The following CTNNA2 variants were observed in gnomAD, a reference collection of about 807,000 sequenced individuals.
CTNNA2 encodes the protein catenin alpha-2.
In CTNNA2, 42 loss-of-function variants were observed where a neutral mutation model predicts 101.0. The ratio of observed to expected loss-of-function variants is 0.42; its 90% CI spans 0.32 to 0.54. The LOEUF is 0.54. CTNNA2 is among the 20% of genes least tolerant of loss of function. The pLI, the probability that CTNNA2 is intolerant of heterozygous loss-of-function variation, is 0.14. For missense variants in CTNNA2, 871 were observed against 1,223.1 expected (o/e 0.71, Z 4.29); for synonymous variants, 450 against 456.4 (o/e 0.99, Z 0.18).
At chr2:79,501,880 G>A (rs949631627) in intron 4 of CTNNA2, among the ~76,000 whole-genome samples, 1 of 152,102 alleles carries the variant, frequency 6.6e-6, no homozygotes, top group Admixed American at 6.6e-5. Context: ...GTAGATGGAG[G>A]TGAATCCGAC....
At chr2:79,290,087 G>A (rs940211225) in intron 2 of CTNNA2, among the ~76,000 whole-genome samples, 2 of 152,142 alleles carry the variant, frequency 1.3e-5, no homozygotes, top group African/African-American at 4.8e-5. Flanking sequence ...ATGACCCTAA[G>A]AGTGAGAGAC....
intron 1 of CTNNA2, among the ~76,000 whole-genome samples, chr2:79,536,257 A>T (rs1451306269): frequency 6.6e-6 from 1 of 152,190 alleles, no homozygotes; most frequent in African/African-American, 2.4e-5. Context: ...AGGTGAAAGC[A>T]TGATCGCTAT....
chr2:79,500,491 C>T (rs994288974), intron 4 of CTNNA2, among the ~76,000 whole-genome samples: 1 of 152,126 alleles, frequency 6.6e-6, no homozygotes, highest in East Asian at 1.9e-4. Flanking sequence ...TGAAATTACA[C>T]AGAATAATTG....
At chr2:80,240,295 A>G (rs1363558529) in intron 7 of CTNNA2, among the ~76,000 whole-genome samples, 1 of 152,252 alleles carries the variant, frequency 6.6e-6, no homozygotes, top group African/African-American at 2.4e-5. Flanking sequence ...GCTTTAGGAT[A>G]TCTTAGAGAA....
At chr2:79,599,140 G>A (rs114408568) in intron 1 of CTNNA2, among the ~76,000 whole-genome samples, 129 of 152,086 alleles carry the variant, frequency 8.5e-4, no homozygotes, top group Non-Finnish European at 1.2e-3. Context: ...TGGGATCTCC[G>A]TCCTGTTCTA....
At chr2:80,277,432 C>G (rs553497167) in intron 7 of CTNNA2, among the ~76,000 whole-genome samples, 1 of 151,760 alleles carries the variant, frequency 6.6e-6, no homozygotes, top group African/African-American at 2.4e-5. Flanking sequence ...TGACTGGCCA[C>G]CATCTTGAAG....
intron 12 of CTNNA2, among the ~76,000 whole-genome samples, chr2:80,568,989 G>T (rs1251928096): frequency 1.3e-5 from 2 of 152,110 alleles, no homozygotes. Context: ...CTTAAAGCAG[G>T]GGTAAGGACC....
intron 1 of CTNNA2, among the ~76,000 whole-genome samples, chr2:79,529,205 T>A (rs1672595079): frequency 6.6e-6 from 1 of 152,020 alleles, no homozygotes; most frequent in Admixed American, 6.6e-5. Flanking sequence ...GGATGAGGCA[T>A]GAGAAGGTGG....
intron 1 of CTNNA2, among the ~76,000 whole-genome samples, chr2:79,642,544 G>T (rs1046056056): frequency 6.6e-6 from 1 of 152,274 alleles, no homozygotes; most frequent in South Asian, 2.1e-4. Context: ...GGGGAAATGG[G>T]CTTAGATTGA....
At chr2:79,447,354 C>T (rs1678845073) in intron 4 of CTNNA2, among the ~76,000 whole-genome samples, 1 of 151,918 alleles carries the variant, frequency 6.6e-6, no homozygotes, top group Non-Finnish European at 1.5e-5. Flanking sequence ...GGAAAAAAAT[C>T]GACATTCATT....
intron 4 of CTNNA2, among the ~76,000 whole-genome samples, chr2:79,498,757 C>G (rs2103799341): frequency 6.6e-6 from 1 of 152,318 alleles, no homozygotes; most frequent in African/African-American, 2.4e-5. Flanking sequence ...ACGTTGTATA[C>G]TAATCTTGTC....
rs781414965 is a variant in CTNNA2 at position 79,187,270 on chromosome 2, CT to C, written c.-524+1856del. On this transcript the variant is annotated intron_variant, in intron 1 of 21. Transcript: ENST00000466387. ...CTTTTCTTTTCTTTTCTTTTCTTTTCTTTTTTTTTTTTTTTTTGAGACAGAG... is the reference window on the plus strand; with the variant it reads ...CTTTTCTTTTCTTTTCTTTTCTTTTCTTTTTTTTTTTTTTTTGAGACAGAG... 8.9e-3 allele frequency among the ~76,000 whole-genome samples: 582 copies of C among 65,390 alleles called. 5 individuals are homozygous for C. Among genetic ancestry groups the C allele is most frequent in the Admixed American group, 0.038 (195 of 5,136 alleles). 42.9% of individuals were successfully genotyped at this position (65,390 alleles called of 152,430 possible).
intron 3 of CTNNA2, among the ~76,000 whole-genome samples, chr2:79,772,078 A>C (rs2105149734): frequency 6.8e-6 from 1 of 147,754 alleles, no homozygotes; most frequent in Middle Eastern, 3.4e-3. Context: ...GACTTGCTAT[A>C]GAATGGACTT....
intron 7 of CTNNA2, among the ~76,000 whole-genome samples, chr2:80,119,892 A>G (rs970487490): frequency 5.3e-5 from 8 of 152,218 alleles, no homozygotes; most frequent in Admixed American, 2.6e-4. Flanking sequence ...CAAGGTTAAA[A>G]TGTGGCAAAG....
intron 2 of CTNNA2, among the ~76,000 whole-genome samples, chr2:79,743,482 G>A (rs1425363470): frequency 6.6e-6 from 1 of 151,458 alleles, no homozygotes; most frequent in Non-Finnish European, 1.5e-5. Context: ...TAAACATTGA[G>A]TCTGAATCAT....
intron 1 of CTNNA2, among the ~76,000 whole-genome samples, chr2:79,614,768 G>T (rs942988585): frequency 1.3e-5 from 2 of 152,164 alleles, no homozygotes; most frequent in African/African-American, 2.4e-5. Flanking sequence ...TGACAATTCA[G>T]TCTTTCCTGT....
chr2:79,700,401 G>T lies in CTNNA2; in HGVS notation c.103-43986G>T, dbSNP rs376350432. 2.6e-5 allele frequency among the ~76,000 whole-genome samples: 4 copies of T among 152,090 alleles called. No individual in the cohort carries two copies. In the East Asian group the frequency reaches 5.8e-4, roughly 22 times the overall value. On this transcript the variant is annotated intron_variant, in intron 2 of 18. Coordinates refer to ENST00000402739, the MANE Select transcript of CTNNA2 (RefSeq NM_001282597.3). ...CAAGAGAGAGAGACAGATGGGACACGTAGAAATAATGGAGGTGCCAAGAGA... is the reference window on the plus strand; with the variant it reads ...CAAGAGAGAGAGACAGATGGGACACTTAGAAATAATGGAGGTGCCAAGAGA...
chr2:80,065,751 T>C (rs1050445690), intron 7 of CTNNA2, among the ~76,000 whole-genome samples: 5 of 152,290 alleles, frequency 3.3e-5, no homozygotes, highest in African/African-American at 1.2e-4. Flanking sequence ...ATTATGCACA[T>C]TGTAAAAGCT....
At chr2:80,244,790 A>G (rs145068347) in intron 7 of CTNNA2, among the ~76,000 whole-genome samples, 1,915 of 152,234 alleles carry the variant, frequency 0.013, 28 homozygotes, top group Non-Finnish European at 0.017. Flanking sequence ...GGGCTTACTT[A>G]TCCCAGATCT....
Sources: gnomAD v4.1 joint callset for allele counts (sites outside exome capture counted in the v4.1 genomes callset) on GRCh38, gnomAD v4.1.1 for gene constraint, MANE v1.5 for transcripts, NCBI Gene and HGNC (gene_info 2026-07-23, HGNC 2026-07-21) for gene names.